NFATC3: variants seen among roughly 807,000 people sequenced by gnomAD.
NFATC3 encodes the protein nuclear factor of activated T cells 3, also known as nuclear factor of activated T-cells, cytoplasmic 3.
A neutral mutation model predicts 98.6 loss-of-function variants in NFATC3; 46 were observed. The observed-to-expected ratio is 0.47, with a 90% confidence interval of 0.37 to 0.60. The LOEUF is 0.60. Ranked by LOEUF, NFATC3 falls within the 20% of genes least tolerant of loss-of-function variation. The pLI is 0.00. For synonymous variants in NFATC3, 512 were observed against 472.2 expected, an observed-to-expected ratio of 1.08 and a Z score of -1.09; for missense variants, 1,256 against 1,295.5, an observed-to-expected ratio of 0.97 and a Z score of 0.47.
At chr16:68,145,577 A>C (rs549893522) in intron 3 of NFATC3, among the ~76,000 whole-genome samples, 1 of 152,378 alleles carries the variant, frequency 6.6e-6, no homozygotes, top group African/African-American at 2.4e-5. Context: ...CAACTTGGAC[A>C]GTTCTCCATA....
At chr16:68,161,797 T>A (rs1245991084) in intron 4 of NFATC3, among the ~76,000 whole-genome samples, 1 of 152,164 alleles carries the variant, frequency 6.6e-6, no homozygotes, top group Non-Finnish European at 1.5e-5. Flanking sequence ...ATATCCTTTC[T>A]GAAAATAATA....
At chr16:68,159,404 C>CTTTTTTTTTTTTTTTTTTTT (rs577760579) in intron 4 of NFATC3, among the ~76,000 whole-genome samples, 1 of 133,358 alleles carries the variant, frequency 7.5e-6, no homozygotes. Flanking sequence ...ACCTTTCTTT[C>CTTTTTTTTTTTTTTTTTTTT]TTTTTTTTTT....
chr16:68,094,441 A>G (rs2034898984), intron 1 of NFATC3, among the ~76,000 whole-genome samples: 1 of 152,030 alleles, frequency 6.6e-6, no homozygotes, highest in Non-Finnish European at 1.5e-5. Flanking sequence ...AAAAATGAGT[A>G]CTATTTATTT....
At chr16:68,141,394 T>C (rs1031707592) in intron 3 of NFATC3, among the ~76,000 whole-genome samples, 1 of 152,242 alleles carries the variant, frequency 6.6e-6, no homozygotes, top group African/African-American at 2.4e-5. Context: ...CTGTTTTCCA[T>C]AATTGTTTTA....
chr16:68,175,096 A>G (rs1238179521), intron 6 of NFATC3, among the ~76,000 whole-genome samples: 1 of 152,364 alleles, frequency 6.6e-6, no homozygotes, highest in African/African-American at 2.4e-5. Context: ...TGGTTATAAA[A>G]ATTAATGAAG....
chr16:68,112,571 C>A (rs1303328018), intron 1 of NFATC3, among the ~76,000 whole-genome samples: 2 of 151,504 alleles, frequency 1.3e-5, no homozygotes, highest in African/African-American at 4.8e-5. Context: ...CCACTGTGCC[C>A]AGCCAGGTTC....
At chr16:68,086,144 T>G (rs942084496) in intron 1 of NFATC3, among the ~76,000 whole-genome samples, 8 of 152,314 alleles carry the variant, frequency 5.3e-5, no homozygotes, top group Admixed American at 5.2e-4. Context: ...CGCACTGGGT[T>G]TTTCATCTAT....
In NFATC3 at chr16:68,122,525, C is replaced by G; in HGVS notation, c.642C>G (p.Gly214=). ...TLGSPLTSPG[G]SPGGCPGEET... ...GATCCCCTCTGACTTCTCCTGGTGG[C>G]TCTCCAGGGGGCTGCCCTGGAGAAG... The change falls in exon 2 of 10, where the codon GGC becomes GGG. Residue 214 remains glycine, a synonymous_variant. Coordinates refer to ENST00000346183, the MANE Select transcript of NFATC3 (RefSeq NM_173165.3). 1 of 1,614,156 alleles carries G rather than the reference C, an allele frequency of 6.2e-7. No individual in the cohort carries two copies.
chr16:68,120,030 C>G (rs1482606294), intron 1 of NFATC3, among the ~76,000 whole-genome samples: 1 of 151,218 alleles, frequency 6.6e-6, no homozygotes, highest in African/African-American at 2.4e-5. Flanking sequence ...GTAATCCCAG[C>G]ACTTTGGGAG....
At chr16:68,123,255 T>TTACC in intron 2 of NFATC3, 134 bp downstream of exon 2, 2 of 873,750 alleles carry the variant, frequency 2.3e-6, no homozygotes, top group Non-Finnish European at 3.2e-6. Context: ...AAAAAAAATT[T>TTACC]TACCAAATAA....
At chr16:68,132,822 T>A (rs1341019098) in intron 3 of NFATC3, among the ~76,000 whole-genome samples, 4 of 152,074 alleles carry the variant, frequency 2.6e-5, no homozygotes, top group African/African-American at 9.7e-5. Context: ...AAATTTGAGC[T>A]CATAGAAATA....
At position 68,154,294 on chromosome 16, in the gene NFATC3, A is replaced by G. The variant is rs145069576; in HGVS notation, c.1402-3575A>G. Among the ~76,000 whole-genome samples the G allele has an allele frequency of 9.2e-4, 140 of 152,088 alleles. 1 individual carries two copies. In the East Asian group the frequency reaches 0.024, roughly 27 times the overall value. On this transcript the variant is annotated intron_variant, in intron 3 of 9. Coordinates refer to ENST00000346183, the MANE Select transcript of NFATC3 (RefSeq NM_173165.3). ...CAGATCTGACTTATTGGATCCCTCT[A>G]TCATTCTGTGTATAGTTAGTTACGA...
chr16:68,218,052 T>A (rs1254071052), intron 9 of NFATC3: 1 of 1,059,904 alleles, frequency 9.4e-7, no homozygotes, highest in Non-Finnish European at 1.1e-6. Flanking sequence ...TATTTTTTGG[T>A]TTTTCCCTTT....
intron 1 of NFATC3, among the ~76,000 whole-genome samples, chr16:68,102,535 G>A (rs955554117): frequency 1.1e-4 from 16 of 152,094 alleles, no homozygotes; most frequent in African/African-American, 3.9e-4. Context: ...AAAGTCTGAT[G>A]CCATTCTGAT....
chr16:68,182,744 C>T (rs933638613), intron 7 of NFATC3, among the ~76,000 whole-genome samples: 1 of 152,008 alleles, frequency 6.6e-6, no homozygotes, highest in Non-Finnish European at 1.5e-5. Flanking sequence ...GTCTCAAACT[C>T]CTGACCTCAA....
intron 6 of NFATC3, among the ~76,000 whole-genome samples, chr16:68,180,636 G>A (rs2039913168): frequency 6.6e-6 from 1 of 152,044 alleles, no homozygotes; most frequent in Admixed American, 6.6e-5. Flanking sequence ...ATCTCCTAAT[G>A]CTATCCCTTC....
intron 1 of NFATC3, among the ~76,000 whole-genome samples, chr16:68,101,507 G>A (rs1356655787): frequency 5.5e-5 from 8 of 145,758 alleles, no homozygotes; most frequent in Non-Finnish European, 1.1e-4. Flanking sequence ...TTTTTGAGAC[G>A]GAGTCTCGCT....
At chr16:68,203,771 C>CT (rs2041025788) in intron 9 of NFATC3, among the ~76,000 whole-genome samples, 2 of 152,170 alleles carry the variant, frequency 1.3e-5, no homozygotes, top group Non-Finnish European at 2.9e-5. Context: ...TAGTTAATGG[C>CT]TGGGCGCGGT....
intron 9 of NFATC3, chr16:68,218,010 A>G (rs1467401373): frequency 4.3e-6 from 5 of 1,168,152 alleles, no homozygotes; most frequent in Non-Finnish European, 5.3e-6. Flanking sequence ...TCAGGAACTT[A>G]TTTCTGTCTG....
Sources: gnomAD v4.1 joint callset for allele counts (sites outside exome capture counted in the v4.1 genomes callset) on GRCh38, gnomAD v4.1.1 for gene constraint, MANE v1.5 for transcripts, NCBI Gene and HGNC (gene_info 2026-07-23, HGNC 2026-07-21) for gene names.